GPATCH2: variants seen among roughly 807,000 people sequenced by gnomAD.
GPATCH2 encodes G-patch domain containing 2, also known as G patch domain-containing protein 2.
A neutral mutation model predicts 58.0 loss-of-function variants in GPATCH2; 51 were observed. That is an observed-to-expected ratio of 0.88 (90% CI 0.70 to 1.11). The LOEUF is 1.11. Among genes scored for constraint, GPATCH2 ranks in the 50% most tolerant of loss-of-function variants. The pLI, the probability that GPATCH2 is intolerant of heterozygous loss-of-function variation, is 0.00. For synonymous variants in GPATCH2, 222 were observed against 218.5 expected, an observed-to-expected ratio of 1.02 and a Z score of -0.14; for missense variants, 625 against 652.2, an observed-to-expected ratio of 0.96 and a Z score of 0.45.
At chr1:217,444,855 A>C (rs1233902894) in intron 9 of GPATCH2, among the ~76,000 whole-genome samples, 3 of 152,246 alleles carry the variant, frequency 2.0e-5, no homozygotes, top group Non-Finnish European at 1.5e-5. Context: ...TGGACAAATA[A>C]AATCTAGTAC....
At chr1:217,581,541 A>T (rs1667084760) in intron 5 of GPATCH2, among the ~76,000 whole-genome samples, 1 of 152,190 alleles carries the variant, frequency 6.6e-6, no homozygotes, top group African/African-American at 2.4e-5. Flanking sequence ...CACCTCCCCC[A>T]ACTTCTCACT....
chr1:217,519,771 A>C (rs540983802), intron 5 of GPATCH2, among the ~76,000 whole-genome samples: 2 of 152,316 alleles, frequency 1.3e-5, no homozygotes, highest in South Asian at 4.1e-4. Flanking sequence ...AGAGCTTCTT[A>C]TTTTAAATCC....
At position 217,429,537 on chromosome 1, in the gene GPATCH2, T is replaced by C. The variant is rs923019136; in HGVS notation, c.*1608A>G. The C allele has an allele frequency of 1.3e-5, 2 of 151,812 alleles. No homozygotes were observed. Among genetic ancestry groups the C allele is most frequent in the Admixed American group, 1.3e-4 (2 of 15,234 alleles). The allele number at this position is 151,812 out of a possible 1,614,324, so 9.4% of individuals were successfully genotyped here. On this transcript the variant is annotated 3_prime_UTR_variant, in exon 10 of 10. Coordinates refer to ENST00000366935, the MANE Select transcript of GPATCH2 (RefSeq NM_018040.5). ...ACCTCCTTTAACACCTTTTAAAAACTCTTCTGGGGGCTGGGCGCTGTGGTT... is the reference window on the plus strand; with the variant it reads ...ACCTCCTTTAACACCTTTTAAAAACCCTTCTGGGGGCTGGGCGCTGTGGTT...
chr1:217,472,636 C>A (rs1164805000), intron 8 of GPATCH2, among the ~76,000 whole-genome samples: 1 of 152,134 alleles, frequency 6.6e-6, no homozygotes, highest in Non-Finnish European at 1.5e-5. Flanking sequence ...CTATATTGAA[C>A]TTTCTGGTGC....
intron 5 of GPATCH2, among the ~76,000 whole-genome samples, chr1:217,567,045 G>GTTTTTTTTTTTTTTT (rs549350813): frequency 7.1e-6 from 1 of 140,762 alleles, no homozygotes; most frequent in Non-Finnish European, 1.5e-5. Flanking sequence ...ATAACTTCTG[G>GTTTTTTTTTTTTTTT]CTTTTTTTTT....
intron 8 of GPATCH2, among the ~76,000 whole-genome samples, chr1:217,482,548 G>C (rs1347015159): frequency 6.6e-6 from 1 of 152,242 alleles, no homozygotes. Context: ...AGTGTGTCTG[G>C]AGCTCACGGT....
intron 5 of GPATCH2, among the ~76,000 whole-genome samples, chr1:217,538,832 C>G (rs1382329435): frequency 6.6e-6 from 1 of 152,152 alleles, no homozygotes; most frequent in Non-Finnish European, 1.5e-5. Context: ...GTGTTGGGTC[C>G]TAATTTTTCA....
intron 5 of GPATCH2, among the ~76,000 whole-genome samples, chr1:217,580,584 A>G (rs964740733): frequency 6.6e-6 from 1 of 152,214 alleles, no homozygotes; most frequent in African/African-American, 2.4e-5. Flanking sequence ...TAATTAGTGT[A>G]CAGCATTACC....
At chr1:217,541,998 G>T (rs929255741) in intron 5 of GPATCH2, among the ~76,000 whole-genome samples, 20 of 152,160 alleles carry the variant, frequency 1.3e-4, no homozygotes, top group Admixed American at 1.3e-3. Context: ...TTATTAGCAT[G>T]TCCTTTGGTC....
intron 5 of GPATCH2, among the ~76,000 whole-genome samples, chr1:217,524,050 G>C (rs539482385): frequency 2.0e-5 from 3 of 147,166 alleles, no homozygotes; most frequent in East Asian, 2.1e-4. Flanking sequence ...CTCACCTCCC[G>C]GATGGGGCGG....
intron 5 of GPATCH2, among the ~76,000 whole-genome samples, chr1:217,545,545 G>T (rs1664997155): frequency 6.6e-6 from 1 of 152,186 alleles, no homozygotes; most frequent in African/African-American, 2.4e-5. Context: ...AATCAAAATT[G>T]ATCTGTCCTT....
intron 5 of GPATCH2, among the ~76,000 whole-genome samples, chr1:217,549,626 T>A (rs1225648657): frequency 6.6e-6 from 1 of 152,200 alleles, no homozygotes; most frequent in South Asian, 2.1e-4. Flanking sequence ...CATTCATTCA[T>A]TCACTCATTC....
chr1:217,504,370 C>A (rs1466357096), intron 6 of GPATCH2, among the ~76,000 whole-genome samples: 2 of 152,122 alleles, frequency 1.3e-5, no homozygotes, highest in Admixed American at 6.6e-5. Flanking sequence ...AATGTCTCTG[C>A]CGATATATCC....
chr1:217,497,314 C>T (rs578032798), intron 7 of GPATCH2, among the ~76,000 whole-genome samples: 1 of 152,128 alleles, frequency 6.6e-6, no homozygotes, highest in South Asian at 2.1e-4. Flanking sequence ...TAGCTTAGTT[C>T]ATTCTGAATT....
At chr1:217,602,087 C>T (rs1458879504) in intron 5 of GPATCH2, among the ~76,000 whole-genome samples, 3 of 152,138 alleles carry the variant, frequency 2.0e-5, no homozygotes, top group Non-Finnish European at 4.4e-5. Flanking sequence ...ATAGTCTTAA[C>T]TTGTAGTTAC....
At chr1:217,622,235 C>G (rs1669222516) in intron 1 of GPATCH2, among the ~76,000 whole-genome samples, 1 of 136,800 alleles carries the variant, frequency 7.3e-6, no homozygotes, top group Admixed American at 7.1e-5. Flanking sequence ...AGTGAAAGAC[C>G]TGAATCAACA....
chr1:217,592,727 A>G (rs558342964), intron 5 of GPATCH2, among the ~76,000 whole-genome samples: 6 of 152,026 alleles, frequency 3.9e-5, no homozygotes, highest in Admixed American at 2.6e-4. Flanking sequence ...AATCTTATTA[A>G]CCTGGAGGTT....
intron 5 of GPATCH2, among the ~76,000 whole-genome samples, chr1:217,592,358 A>AT (rs1368509143): frequency 6.6e-6 from 1 of 151,992 alleles, no homozygotes; most frequent in Non-Finnish European, 1.5e-5. Context: ...TTTCAAACAC[A>AT]TTTTTATTAA....
chr1:217,578,091 G>C (rs1447979392), intron 5 of GPATCH2, among the ~76,000 whole-genome samples: 1 of 131,688 alleles, frequency 7.6e-6, no homozygotes, highest in Non-Finnish European at 1.6e-5. Context: ...GGGGTGGGGC[G>C]GGGGGCGGGG....
Sources: allele counts gnomAD v4.1 joint callset (sites outside exome capture counted in the v4.1 genomes callset), GRCh38; gene constraint gnomAD v4.1.1; transcripts MANE v1.5; gene names NCBI Gene and HGNC (gene_info 2026-07-23, HGNC 2026-07-21).